The following ATP9B variants were observed in gnomAD, a reference collection of about 807,000 sequenced individuals.
ATP9B encodes ATPase phospholipid transporting 9B.
A neutral mutation model predicts 146.1 loss-of-function variants in ATP9B; 110 were observed. The ratio of observed to expected loss-of-function variants is 0.75; its 90% CI spans 0.65 to 0.88. The LOEUF (loss-of-function observed/expected upper bound fraction) is 0.88. Among genes scored for constraint, ATP9B ranks in the 40% least tolerant of loss-of-function variants. ATP9B has a pLI of 0.00. For synonymous variants in ATP9B, 604 were observed against 569.7 expected, an observed-to-expected ratio of 1.06 and a Z score of -0.86; for missense variants, 1,499 against 1,496.4, an observed-to-expected ratio of 1.00 and a Z score of -0.03.
chr18:79,200,122 A>G (rs769067671), intron 9 of ATP9B, among the ~76,000 whole-genome samples: 4 of 152,184 alleles, frequency 2.6e-5, no homozygotes, highest in Non-Finnish European at 5.9e-5. Flanking sequence ...GCGGCCCAGT[A>G]GTTTTGTTTT....
intron 10 of ATP9B, among the ~76,000 whole-genome samples, chr18:79,207,311 A>C (rs1210487171): frequency 6.6e-6 from 1 of 152,226 alleles, no homozygotes; most frequent in Non-Finnish European, 1.5e-5. Context: ...CAAACTTGTC[A>C]GTGTTCCTTA....
intron 8 of ATP9B, among the ~76,000 whole-genome samples, chr18:79,185,518 AT>A (rs1247453945): frequency 1.3e-5 from 2 of 152,222 alleles, no homozygotes; most frequent in Non-Finnish European, 2.9e-5. Flanking sequence ...AAATGAAAAC[AT>A]TTTAATTTTT....
At chr18:79,157,396 C>CA (rs147316668) in intron 7 of ATP9B, among the ~76,000 whole-genome samples, 1,528 of 48,584 alleles carry the variant, frequency 0.031, 335 homozygotes, top group African/African-American at 0.13. Context: ...AACTCCATCT[C>CA]AAAAAAAAAA....
At position 79,081,088 on chromosome 18, in the gene ATP9B, G is replaced by A. The variant is rs375377030; in HGVS notation, c.119+11559G>A. 2.7e-4 allele frequency among the ~76,000 whole-genome samples: 41 copies of A among 152,178 alleles called. 2 individuals carry two copies. The South Asian group carries it at 7.9e-3, about 29-fold the overall frequency. ...TATTGGCCTGAAATTTTCTTTTTTTGTTGTGTCTCTGCCAGGTTTTGTTAT... is the reference window on the plus strand; with the variant it reads ...TATTGGCCTGAAATTTTCTTTTTTTATTGTGTCTCTGCCAGGTTTTGTTAT... On this transcript the variant is annotated intron_variant, in intron 1 of 29. Transcript: ENST00000426216.
At chr18:79,189,871 T>A (rs1431964387) in intron 8 of ATP9B, among the ~76,000 whole-genome samples, 2 of 152,212 alleles carry the variant, frequency 1.3e-5, no homozygotes, top group Non-Finnish European at 2.9e-5. Context: ...GGTCCCGTGG[T>A]ATTATTCAAG....
At chr18:79,089,330 C>T (rs770281945) in intron 1 of ATP9B, among the ~76,000 whole-genome samples, 2 of 152,178 alleles carry the variant, frequency 1.3e-5, no homozygotes, top group Non-Finnish European at 2.9e-5. Flanking sequence ...AATAGCCTTC[C>T]ATTACACTTA....
At chr18:79,252,507 G>A in intron 11 of ATP9B, among the ~76,000 whole-genome samples, 1 of 152,200 alleles carries the variant, frequency 6.6e-6, no homozygotes, top group East Asian at 1.9e-4. Context: ...ACAGTCCATA[G>A]CGATTGCTAG....
intron 7 of ATP9B, among the ~76,000 whole-genome samples, chr18:79,159,168 T>A (rs1179639109): frequency 6.6e-6 from 1 of 152,212 alleles, no homozygotes. Flanking sequence ...GTAGACAGCA[T>A]GTAATTGCAT....
intron 17 of ATP9B, among the ~76,000 whole-genome samples, chr18:79,334,877 C>T (rs1375849035): frequency 6.6e-6 from 1 of 151,848 alleles, no homozygotes; most frequent in East Asian, 1.9e-4. Context: ...AGGAGACCCA[C>T]CGGTGCCCTC....
At chr18:79,154,579 T>TAG in intron 7 of ATP9B, 24 bp downstream of exon 7, 1 of 1,480,938 alleles carries the variant, frequency 6.8e-7, no homozygotes, top group Non-Finnish European at 9.0e-7. Context: ...TAAAAAAACT[T>TAG]ACCTAACTGT....
chr18:79,110,227 A>G (rs2075914320), intron 2 of ATP9B, 128 bp from the exon 3 acceptor site: 1 of 827,888 alleles, frequency 1.2e-6, no homozygotes. Context: ...ACAAATTAGC[A>G]TTAGGTGTGC....
At chr18:79,208,994 A>G (rs1343528887) in intron 10 of ATP9B, among the ~76,000 whole-genome samples, 2 of 152,198 alleles carry the variant, frequency 1.3e-5, no homozygotes, top group Non-Finnish European at 2.9e-5. Flanking sequence ...AGCCTTCTTC[A>G]TGCTGCTGCC....
intron 26 of ATP9B, among the ~76,000 whole-genome samples, chr18:79,371,933 G>A (rs112722946): frequency 1.4e-4 from 21 of 152,330 alleles, no homozygotes; most frequent in South Asian, 6.2e-4. Flanking sequence ...AGGAAATCAC[G>A]GAACTTCTCG....
At chr18:79,215,034 A>G (rs1429300332) in intron 11 of ATP9B, among the ~76,000 whole-genome samples, 1 of 151,390 alleles carries the variant, frequency 6.6e-6, no homozygotes, top group Non-Finnish European at 1.5e-5. Flanking sequence ...TGTAGTCCCC[A>G]CTACTCAGGA....
chr18:79,370,207 A>G (rs780378010), intron 26 of ATP9B, among the ~76,000 whole-genome samples: 1 of 152,246 alleles, frequency 6.6e-6, no homozygotes, highest in Non-Finnish European at 1.5e-5. Context: ...TAAATATAAC[A>G]GTAGCATTCA....
At chr18:79,265,953 A>G (rs1167192393) in intron 12 of ATP9B, among the ~76,000 whole-genome samples, 1 of 152,168 alleles carries the variant, frequency 6.6e-6, no homozygotes, top group Non-Finnish European at 1.5e-5. Flanking sequence ...CTCTTCTGCA[A>G]ATGGCCAGCC....
At chr18:79,324,698 T>TC (rs34376550) in intron 15 of ATP9B, among the ~76,000 whole-genome samples, 70,150 of 151,978 alleles carry the variant, frequency 0.46, 16,393 homozygotes, top group Middle Eastern at 0.55. Flanking sequence ...GAGTAAAGGC[T>TC]CTTTTCCCTT....
At chr18:79,336,772 G>A in intron 18 of ATP9B, 61 bp downstream of exon 18, 2 of 1,522,404 alleles carry the variant, frequency 1.3e-6, no homozygotes. Context: ...GCTGAAATTA[G>A]TTCTTCCTGT....
At chr18:79,082,372 T>C (rs1048976260) in intron 1 of ATP9B, among the ~76,000 whole-genome samples, 2 of 152,200 alleles carry the variant, frequency 1.3e-5, no homozygotes, top group Admixed American at 6.5e-5. Flanking sequence ...TCGGAGGAGT[T>C]TGTTATTACC....
Sources: gnomAD v4.1 joint callset for allele counts (sites outside exome capture counted in the v4.1 genomes callset) on GRCh38, gnomAD v4.1.1 for gene constraint, MANE v1.5 for transcripts, NCBI Gene and HGNC (gene_info 2026-07-23, HGNC 2026-07-21) for gene names.